Variants in STAU2 observed in about 807,000 individuals in gnomAD.
The protein encoded by STAU2 is double-stranded RNA-binding protein Staufen homolog 2.
STAU2 carries 20 observed loss-of-function variants against 65.9 expected under a neutral mutation model. The ratio of observed to expected loss-of-function variants is 0.30; its 90% CI spans 0.21 to 0.44. The LOEUF is 0.44. Ranked by LOEUF, STAU2 falls within the 20% of genes least tolerant of loss-of-function variation. The probability of loss-of-function intolerance (pLI) is 1.00; values close to 1 mark genes in which losing one functional copy is unlikely to be tolerated. For synonymous variants in STAU2, 232 were observed against 233.9 expected, an observed-to-expected ratio of 0.99 and a Z score of 0.07; for missense variants, 558 against 683.9, an observed-to-expected ratio of 0.82 and a Z score of 2.05.
At chr8:73,450,476 A>G (rs933526275) in intron 13 of STAU2, among the ~76,000 whole-genome samples, 6 of 152,194 alleles carry the variant, frequency 3.9e-5, no homozygotes, top group African/African-American at 1.4e-4. Flanking sequence ...AGAGGAAACT[A>G]AAGACTCATT....
chr8:73,590,155 A>AT (rs1388390363), intron 11 of STAU2, among the ~76,000 whole-genome samples: 3 of 151,386 alleles, frequency 2.0e-5, no homozygotes, highest in African/African-American at 7.3e-5. Flanking sequence ...AAGGAAGAGG[A>AT]TAAGAAGGAG....
At chr8:73,572,948 G>C (rs570031370) in intron 12 of STAU2, among the ~76,000 whole-genome samples, 67 of 152,332 alleles carry the variant, frequency 4.4e-4, no homozygotes, top group African/African-American at 1.6e-3. Flanking sequence ...ATTAGGAAAA[G>C]AGGAAGTCAA....
chr8:73,511,523 G>C (rs1156914102), intron 13 of STAU2: 1 of 152,650 alleles, frequency 6.6e-6, no homozygotes, highest in Non-Finnish European at 1.5e-5. Flanking sequence ...GTGTGGCCTT[G>C]GCCAGGAGCA....
intron 6 of STAU2, among the ~76,000 whole-genome samples, chr8:73,670,102 T>C (rs372984305): frequency 1.1e-4 from 17 of 152,284 alleles, no homozygotes; most frequent in Non-Finnish European, 1.9e-4. Flanking sequence ...TTTATTTACA[T>C]TGGGGAACGT....
chr8:73,686,100 C>A (rs1818791586), intron 5 of STAU2, among the ~76,000 whole-genome samples: 1 of 152,136 alleles, frequency 6.6e-6, no homozygotes, highest in African/African-American at 2.4e-5. Context: ...AGGTAAGCTA[C>A]AAGGACACAA....
intron 13 of STAU2, among the ~76,000 whole-genome samples, chr8:73,549,080 G>C (rs551027503): frequency 6.6e-6 from 1 of 152,074 alleles, no homozygotes; most frequent in African/African-American, 2.4e-5. Context: ...AAAGCTGAAT[G>C]ATTTTGAAAC....
At chr8:73,596,624 G>C (rs1242186323) in intron 10 of STAU2, among the ~76,000 whole-genome samples, 2 of 152,138 alleles carry the variant, frequency 1.3e-5, no homozygotes, top group African/African-American at 4.8e-5. Context: ...AACACTAGGA[G>C]GATTGTTTGA....
intron 13 of STAU2, among the ~76,000 whole-genome samples, chr8:73,454,027 C>G (rs1818935983): frequency 1.3e-5 from 2 of 151,888 alleles, no homozygotes; most frequent in Non-Finnish European, 2.9e-5. Flanking sequence ...TCCTTTTACT[C>G]AAGATCACCT....
At chr8:73,466,027 C>T (rs767825599) in intron 13 of STAU2, among the ~76,000 whole-genome samples, 43 of 152,130 alleles carry the variant, frequency 2.8e-4, no homozygotes, top group Non-Finnish European at 5.9e-4. Flanking sequence ...TGTTGGCTCA[C>T]CCCTGTTTTC....
chr8:73,635,026 G>A (rs1814386599), intron 6 of STAU2, among the ~76,000 whole-genome samples: 1 of 152,164 alleles, frequency 6.6e-6, no homozygotes, highest in Non-Finnish European at 1.5e-5. Context: ...GTACCCATAA[G>A]AATGTCTCAC....
At chr8:73,723,121 CACACAT>C (rs886611827) in intron 3 of STAU2, among the ~76,000 whole-genome samples, 4 of 152,006 alleles carry the variant, frequency 2.6e-5, no homozygotes, top group African/African-American at 9.7e-5. Context: ...CACACACACA[CACACAT>C]ACACACACAC....
intron 13 of STAU2, among the ~76,000 whole-genome samples, chr8:73,448,531 C>A (rs1377014777): frequency 1.3e-5 from 2 of 152,212 alleles, no homozygotes; most frequent in Non-Finnish European, 1.5e-5. Context: ...AATCAGCCCG[C>A]CTCGGCCTCC....
intron 12 of STAU2, among the ~76,000 whole-genome samples, chr8:73,568,291 AT>A (rs1175077855): frequency 1.3e-5 from 2 of 152,238 alleles, no homozygotes; most frequent in Non-Finnish European, 2.9e-5. Context: ...AAACTGACTC[AT>A]GTTAAAACAC....
intron 13 of STAU2, among the ~76,000 whole-genome samples, chr8:73,471,063 C>T (rs1819969571): frequency 6.6e-6 from 1 of 152,070 alleles, no homozygotes; most frequent in African/African-American, 2.4e-5. Flanking sequence ...TAAATCAGTA[C>T]TCCCTAATGC....
At chr8:73,701,629 G>C (rs1024017575) in intron 4 of STAU2, among the ~76,000 whole-genome samples, 1 of 152,168 alleles carries the variant, frequency 6.6e-6, no homozygotes, top group Non-Finnish European at 1.5e-5. Flanking sequence ...TACGTTGTTA[G>C]CAAGAATGTA....
In STAU2 at chr8:73,575,461, T is replaced by C. The variant is rs528105134; in HGVS notation, c.1222+7309A>G. 1.3e-4 allele frequency among the ~76,000 whole-genome samples: 20 copies of C among 152,306 alleles called. No homozygotes were observed. In the Middle Eastern group the frequency reaches 0.017, roughly 130 times the overall value. On this transcript the variant is annotated intron_variant, in intron 12 of 14. Transcript: ENST00000524300. ...ATCAAAATTAAAAGGATACATACTC[T>C]GTAATGGAGTAATTCCATTTGTAGG...
chr8:73,546,552 T>C (rs918270936), intron 13 of STAU2, among the ~76,000 whole-genome samples: 1 of 152,212 alleles, frequency 6.6e-6, no homozygotes, highest in Non-Finnish European at 1.5e-5. Context: ...AACTGTCAGT[T>C]TCCTCCCTAG....
intron 13 of STAU2, among the ~76,000 whole-genome samples, chr8:73,500,227 T>C (rs985104810): frequency 6.6e-6 from 1 of 151,908 alleles, no homozygotes; most frequent in Non-Finnish European, 1.5e-5. Flanking sequence ...TTATACAAAA[T>C]GGCATAGTAT....
chr8:73,509,535 G>A (rs546703006), intron 13 of STAU2, among the ~76,000 whole-genome samples: 25 of 152,172 alleles, frequency 1.6e-4, no homozygotes, highest in Non-Finnish European at 3.2e-4. Context: ...ATAACTGCGA[G>A]GGGGTAGAGG....
Sources: allele counts gnomAD v4.1 joint callset (sites outside exome capture counted in the v4.1 genomes callset), GRCh38; gene constraint gnomAD v4.1.1; transcripts MANE v1.5; gene names NCBI Gene and HGNC (gene_info 2026-07-23, HGNC 2026-07-21).